Variants in SAMD9 observed in about 807,000 individuals in gnomAD.
SAMD9 encodes the protein sterile alpha motif domain containing 9, also known as sterile alpha motif domain-containing protein 9.
A neutral mutation model predicts 1.5 loss-of-function variants in SAMD9; 3 were observed. The ratio of observed to expected loss-of-function variants is 2.05; its 90% CI spans 0.93 to 5.29. The LOEUF (loss-of-function observed/expected upper bound fraction) is 5.29, where lower values mean the gene tolerates loss of function less well. Ranked by LOEUF, SAMD9 falls within the 30% of genes most tolerant of loss-of-function variation. The pLI is 0.02. For synonymous variants in SAMD9, 635 were observed against 631.9 expected (o/e 1.00, Z -0.07); for missense variants, 1,597 against 1,820.8 (o/e 0.88, Z 2.24).
In SAMD9 at chr7:93,103,888, T is replaced by C. The variant is rs749002104; in HGVS notation, c.2210A>G (p.His737Arg). 3.6e-5 allele frequency: 58 copies of C among 1,613,866 alleles called. No individual in the cohort carries two copies. Among genetic ancestry groups the C allele is most frequent in the Non-Finnish European group, 4.7e-5 (56 of 1,179,842 alleles). ...GGTAGTTCCCCCACAGCCTGGATGA[T>C]GATACAGATGAATAATTTTGGTACT... ...PTSTKIIHLY[H>R]HPGCGGTTLA... Residue 737 changes from histidine to arginine, a missense_variant, in exon 3 of 3, where the codon CAT (histidine) becomes CGT (arginine). Physicochemically the swap from His to Arg is conservative, Grantham distance 29. Transcript: ENST00000379958.
In SAMD9 at chr7:93,103,608, C is replaced by T; in HGVS notation, c.2490G>A (p.Val830=). The T allele has an allele frequency of 1.2e-6, 2 of 1,613,584 alleles. No homozygotes were observed. The highest frequency in any genetic ancestry group is 1.1e-5 in the South Asian group (1 of 91,048). The change falls in exon 3 of 3, where the codon GTG becomes GTA. Residue 830 remains valine, a synonymous_variant. Transcript: ENST00000379958. ...GTGATCTCATACAATTTAGGATAAT[C>T]ACCAGAGGTTTTTCATATCGAATGT... ...KKYIRYEKPL[V]IILNCMRSQN... is the part of the protein sequence containing the mutation.
chr7:93,103,556 G>A lies in SAMD9; in HGVS notation c.2542C>T (p.Pro848Ser), dbSNP rs1387462152. 6.2e-7 allele frequency: 1 copy of A among 1,613,334 alleles called. No homozygotes were observed. The highest frequency in any genetic ancestry group is 1.3e-5 in the African/African-American group (1 of 74,958). ...SQNPEKSARI[P>S]DSIAVIQQLS... ...TGCTGTATTACGGCAATACTGTCTGGGATCCTTGCACTTTTTTCAGGATTT... is the reference window on the plus strand; with the variant it reads ...TGCTGTATTACGGCAATACTGTCTGAGATCCTTGCACTTTTTTCAGGATTT... Residue 848 changes from proline (P) to serine (S), a missense_variant, in exon 3 of 3, where the codon CCA becomes TCA. Around this residue, in one of 6 missense-constraint regions of SAMD9, gnomAD observed 55 missense variants for 58.6 expected, o/e 0.94. Transcript: ENST00000379958.
In SAMD9 at chr7:93,106,066, G is replaced by T. The variant is rs779810375; in HGVS notation, c.32C>A (p.Thr11Lys). The T allele has an allele frequency of 6.3e-7, 1 of 1,591,332 alleles. No individual in the cohort carries two copies. The highest frequency in any genetic ancestry group is 8.5e-7 in the Non-Finnish European group (1 of 1,172,940). Residue 11 changes from threonine (T) to lysine (K), a missense_variant, in exon 3 of 3, where the codon ACA becomes AAA. Around this residue, in one of 6 missense-constraint regions of SAMD9, gnomAD observed 498 missense variants for 457.4 expected, o/e 1.09. Transcript: ENST00000379958. ...TACATCCTCTTTTGTCCAATCATCT[G>T]TATTTTCTGGAAGGTTAAGTTGCTT... MAKQLNLPENTDDWTKEDVNQ... is the reference protein window; with the variant it reads MAKQLNLPENKDDWTKEDVNQ...
rs1791637352 is a variant in SAMD9 at position 93,106,000 on chromosome 7, C to T, written c.98G>A (p.Arg33Lys). Residue 33 changes from arginine (R) to lysine (K), a missense_variant, in exon 3 of 3, where the codon AGG becomes AAG. Arg to Lys is a conservative substitution (Grantham distance 26). Transcript: ENST00000379958. ...CACGTCTTGTTCAGTCAAAATTTCCCTGTGTTTTTGGTCAATCTTATGACT... is the reference window on the plus strand; with the variant it reads ...CACGTCTTGTTCAGTCAAAATTTCCTTGTGTTTTTGGTCAATCTTATGACT... Reference protein sequence around the residue: ...LESHKIDQKHREILTEQDVNG... With the variant: ...LESHKIDQKHKEILTEQDVNG... 3.8e-6 allele frequency: 6 copies of T among 1,592,460 alleles called. No homozygotes were observed. Among genetic ancestry groups the T allele is most frequent in the African/African-American group, 1.4e-5 (1 of 73,710 alleles).
Position 93,105,072 on chromosome 7 carries a change from A to T in SAMD9, c.1026T>A (p.Phe342Leu), listed in dbSNP as rs747896981. The T allele has an allele frequency of 1.7e-5, 27 of 1,613,846 alleles. No individual in the cohort carries two copies. The highest frequency in any genetic ancestry group is 2.2e-5 in the Non-Finnish European group (26 of 1,179,958). Residue 342 changes from phenylalanine (F) to leucine (L), a missense_variant, in exon 3 of 3, where the codon TTT becomes TTA. Phe to Leu is a conservative substitution (Grantham distance 22). Coordinates refer to ENST00000379958, the MANE Select transcript of SAMD9 (RefSeq NM_017654.4). ...CCTTAGAGCTGGTCCCATCTCGCAC[A>T]AATAGTGAGAATTTTTTACTTTGTT... ...IWEQSKKFSL[F>L]VRDGTSSKDI...
chr7:93,103,394 G>A lies in SAMD9; in HGVS notation c.2704C>T (p.Arg902Trp), dbSNP rs763861072. Residue 902 changes from arginine to tryptophan, a missense_variant, in exon 3 of 3, where the codon CGG (arginine) becomes TGG (tryptophan). Coordinates refer to ENST00000379958, the MANE Select transcript of SAMD9 (RefSeq NM_017654.4). ...ATATTCTGCCCTTTCAGGATATTCC[G>A]GACCACATTTTCTATGTATTCTTTA... is the stretch of plus-strand genomic sequence containing the variant. ...FNKEYIENVV[R>W]NILKGQNIFT... is the part of the protein sequence containing the mutation. 15 of 1,613,142 alleles carry A rather than the reference G, an allele frequency of 9.3e-6. No individual in the cohort carries two copies. The highest frequency in any genetic ancestry group is 1.6e-4 in the Middle Eastern group (1 of 6,080).
Position 93,102,163 on chromosome 7 carries a change from T to C in SAMD9, c.3935A>G (p.Glu1312Gly), listed in dbSNP as rs765018539. 6.2e-7 allele frequency: 1 copy of C among 1,613,638 alleles called. No homozygotes were observed. The highest frequency in any genetic ancestry group is 8.5e-7 in the Non-Finnish European group (1 of 1,179,732). ...TCCAAGACCTGTGTTGTTTTGTGAT[T>C]CTTCTAAGAGACAAAATATATCTAC... ...KYVDIFCLLEESQNNTGLGSK... is the reference protein window; with the variant it reads ...KYVDIFCLLEGSQNNTGLGSK... The change falls in exon 3 of 3, where the codon GAA becomes GGA. Residue 1312 changes from glutamate to glycine, a missense_variant. Around this residue, in one of 6 missense-constraint regions of SAMD9, gnomAD observed 682 missense variants for 810.0 expected, o/e 0.84. Coordinates refer to ENST00000379958, the MANE Select transcript of SAMD9 (RefSeq NM_017654.4).
chr7:93,112,874 C>G (rs1791770158), intron 2 of SAMD9, among the ~76,000 whole-genome samples: 1 of 152,212 alleles, frequency 6.6e-6, no homozygotes, highest in Non-Finnish European at 1.5e-5. Context: ...AATGGCCATA[C>G]TGCTCAAGGT....
In SAMD9 at chr7:93,103,318, T is replaced by C; in HGVS notation, c.2780A>G (p.Tyr927Cys). ...TAGTGAAATGGTGGTATCAGGCACA[T>C]ATGAATTAAGAAGAGCCAGAAAAGA... Reference protein sequence around the residue: ...LFSFLALLNSYVPDTTISLSQ... With the variant: ...LFSFLALLNSCVPDTTISLSQ... Residue 927 changes from tyrosine (Y) to cysteine (C), a missense_variant, in exon 3 of 3, where the codon TAT becomes TGT. Coordinates refer to ENST00000379958, the MANE Select transcript of SAMD9 (RefSeq NM_017654.4). 1.2e-6 allele frequency: 2 copies of C among 1,613,680 alleles called. No individual in the cohort carries two copies. The highest frequency in any genetic ancestry group is 1.3e-5 in the African/African-American group (1 of 75,046).
Position 93,103,297 on chromosome 7 carries a change from G to A in SAMD9, c.2801C>T (p.Ser934Leu). The A allele has an allele frequency of 1.2e-6, 2 of 1,613,680 alleles. No individual in the cohort carries two copies. Among genetic ancestry groups the A allele is most frequent in the Non-Finnish European group, 1.7e-6 (2 of 1,179,730 alleles). Residue 934 changes from serine to leucine, a missense_variant, in exon 3 of 3, where the codon TCA becomes TTA. Physicochemically the swap from Ser to Leu is moderately radical, Grantham distance 145 (BLOSUM62 -2). This residue lies in a region of SAMD9 where 682 missense variants were observed against 810.0 expected (regional missense o/e 0.84). Transcript: ENST00000379958. ...LNSYVPDTTISLSQCEKFLGI... is the reference protein window; with the variant it reads ...LNSYVPDTTILLSQCEKFLGI... ...TAAGAATTTTTCACACTGTGATAGT[G>A]AAATGGTGGTATCAGGCACATATGA...
At chr7:93,108,555 G>A (rs574584130) in intron 2 of SAMD9, among the ~76,000 whole-genome samples, 3 of 152,188 alleles carry the variant, frequency 2.0e-5, no homozygotes, top group African/African-American at 4.8e-5. Context: ...TCCTAGCCAA[G>A]GGAAGCCATG....
rs781392503 is a variant in SAMD9 at position 93,104,602 on chromosome 7, T to C, written c.1496A>G (p.Asp499Gly). Residue 499 changes from aspartate to glycine, a missense_variant, in exon 3 of 3, where the codon GAC becomes GGC. By Grantham distance (94) the Asp-to-Gly change is moderately conservative. Around this residue, in one of 6 missense-constraint regions of SAMD9, gnomAD observed 358 missense variants for 460.4 expected, o/e 0.78. Transcript: ENST00000379958. Reference protein sequence around the residue: ...PSWIFCNGRLDLDSEKYKPFD... With the variant: ...PSWIFCNGRLGLDSEKYKPFD... ...GGGTTTATATTTTTCACTGTCAAGG[T>C]CTAACCTGCCATTGCAGAAAATCCA... The C allele has an allele frequency of 1.9e-6, 3 of 1,614,074 alleles. No homozygotes were observed. The South Asian group carries it at 3.3e-5, about 18-fold the overall frequency.
chr7:93,107,453 C>T (rs1338838438), intron 2 of SAMD9, among the ~76,000 whole-genome samples: 1 of 152,058 alleles, frequency 6.6e-6, no homozygotes, highest in Non-Finnish European at 1.5e-5. Flanking sequence ...TCAATCTAGG[C>T]TACAGAAATA....
Position 93,106,418 on chromosome 7 carries a change from A to G in SAMD9, c.-8-313T>C, listed in dbSNP as rs1467331695. 2.6e-5 allele frequency among the ~76,000 whole-genome samples: 4 copies of G among 152,228 alleles called. No homozygotes were observed. The East Asian group carries it at 7.7e-4, about 29-fold the overall frequency. ...GTATATATAGAGATAGTTTATCCTT[A>G]TTAATGATTGTTTGCTATAATGTGT... On this transcript the variant is annotated intron_variant, in intron 2 of 2. Coordinates refer to ENST00000379958, the MANE Select transcript of SAMD9 (RefSeq NM_017654.4).
intron 2 of SAMD9, among the ~76,000 whole-genome samples, chr7:93,113,465 A>T (rs1791779911): frequency 6.6e-6 from 1 of 152,244 alleles, no homozygotes; most frequent in African/African-American, 2.4e-5. Context: ...GATCTAGTTA[A>T]ACTAAAGCAC....
intron 2 of SAMD9, among the ~76,000 whole-genome samples, chr7:93,113,017 C>T (rs1033828191): frequency 6.6e-6 from 1 of 152,162 alleles, no homozygotes; most frequent in African/African-American, 2.4e-5. Flanking sequence ...GCCAAAAGAA[C>T]AAAGCTGGAG....
rs774306893 is a variant in SAMD9, at chr7:93,102,338, T to A, written c.3760A>T (p.Ile1254Phe). The A allele has an allele frequency of 3.1e-6, 5 of 1,608,912 alleles. No homozygotes were observed. Among genetic ancestry groups the A allele is most frequent in the Non-Finnish European group, 4.3e-6 (5 of 1,175,778 alleles). ...NEYKLALKNY[I>F]PYLTKLKFSL... ...AATTTCAATTTAGTTAAATAAGGAA[T>A]ATAGTTTTTGAGGGCTAATTTATAT... The change falls in exon 3 of 3, where the codon ATT (isoleucine) becomes TTT (phenylalanine). Residue 1254 changes from isoleucine to phenylalanine, a missense_variant. Around this residue, in one of 6 missense-constraint regions of SAMD9, gnomAD observed 682 missense variants for 810.0 expected, o/e 0.84. Transcript: ENST00000379958.
Position 93,101,851 on chromosome 7 carries a change from C to T in SAMD9, c.4247G>A (p.Arg1416Gln), listed in dbSNP as rs778841567. Residue 1416 changes from arginine (R) to glutamine (Q), a missense_variant, in exon 3 of 3, where the codon CGA (arginine) becomes CAA (glutamine). By Grantham distance (43) the Arg-to-Gln change is conservative. This residue lies in a region of SAMD9 where 682 missense variants were observed against 810.0 expected (regional missense o/e 0.84). Transcript: ENST00000379958. ...KPVEKLKDQLREVLQPIGLTY... is the reference protein window; with the variant it reads ...KPVEKLKDQLQEVLQPIGLTY... ...CAGTCCTATTGGTTGCAAGACTTCT[C>T]GAAGCTGATCTTTTAGTTTTTCAAC... The T allele has an allele frequency of 1.2e-6, 2 of 1,613,798 alleles. No individual in the cohort carries two copies. The highest frequency in any genetic ancestry group is 1.7e-6 in the Non-Finnish European group (2 of 1,179,790).
intron 2 of SAMD9, among the ~76,000 whole-genome samples, chr7:93,106,451 G>C (rs1282148159): frequency 1.3e-5 from 2 of 152,100 alleles, no homozygotes; most frequent in Non-Finnish European, 2.9e-5. Flanking sequence ...TGTGTTTGCT[G>C]TATTATTTAA....
Sources: allele counts gnomAD v4.1 joint callset (sites outside exome capture counted in the v4.1 genomes callset), GRCh38; gene constraint gnomAD v4.1.1; regional missense constraint gnomAD v4.1.1; transcripts MANE v1.5; gene names NCBI Gene and HGNC (gene_info 2026-07-23, HGNC 2026-07-21).